The following POLN variants were observed in gnomAD, a reference collection of about 807,000 sequenced individuals.
POLN encodes the protein DNA polymerase N.
In POLN, 108 loss-of-function variants were observed where a neutral mutation model predicts 113.5. The ratio of observed to expected loss-of-function variants is 0.95; its 90% CI spans 0.81 to 1.12. The LOEUF is 1.12. POLN is among the 50% of genes most tolerant of loss of function. The probability of loss-of-function intolerance (pLI) is 0.00; values close to 1 mark genes in which losing one functional copy is unlikely to be tolerated. For synonymous variants in POLN, 386 were observed against 391.5 expected (o/e 0.99, Z 0.17); for missense variants, 1,097 against 1,077.1 (o/e 1.02, Z -0.26).
chr4:2,240,846 A>G, intron 2 of POLN: 1 of 1,613,444 alleles, frequency 6.2e-7, no homozygotes, highest in Non-Finnish European at 8.5e-7. Context: ...TTCATCTTCA[A>G]CGCCCTCAAA....
chr4:2,077,232 G>A (rs962478234), intron 23 of POLN, among the ~76,000 whole-genome samples: 13 of 152,190 alleles, frequency 8.5e-5, no homozygotes, highest in African/African-American at 2.9e-4. Flanking sequence ...GAGGGACTTC[G>A]GTCCTGCTGC....
intron 21 of POLN, among the ~76,000 whole-genome samples, chr4:2,083,717 G>A (rs1333919704): frequency 6.6e-6 from 1 of 152,256 alleles, no homozygotes; most frequent in African/African-American, 2.4e-5. Flanking sequence ...ACCACACACA[G>A]AGAAAGCAGG....
intron 16 of POLN, among the ~76,000 whole-genome samples, chr4:2,138,145 GT>G (rs1353957014): frequency 6.6e-6 from 1 of 152,154 alleles, no homozygotes; most frequent in African/African-American, 2.4e-5. Flanking sequence ...CCAGGATAGA[GT>G]TTTGACCCAT....
intron 3 of POLN, among the ~76,000 whole-genome samples, chr4:2,222,113 A>G (rs1228783745): frequency 6.6e-6 from 1 of 152,056 alleles, no homozygotes; most frequent in African/African-American, 2.4e-5. Context: ...TTGCATTCAC[A>G]TGGGTTTCGC....
chr4:2,226,732 A>G (rs1406192834), intron 3 of POLN, among the ~76,000 whole-genome samples: 1 of 152,238 alleles, frequency 6.6e-6, no homozygotes, highest in Non-Finnish European at 1.5e-5. Flanking sequence ...GGTGTGACTT[A>G]GTGTTTGTAA....
At chr4:2,190,979 G>A (rs967521649) in intron 7 of POLN, among the ~76,000 whole-genome samples, 5 of 152,196 alleles carry the variant, frequency 3.3e-5, no homozygotes, top group Middle Eastern at 3.4e-3. Context: ...CTCAAAAAAC[G>A]AAATAGAACT....
intron 2 of POLN, chr4:2,240,998 T>G: frequency 7.4e-7 from 1 of 1,346,826 alleles, no homozygotes; most frequent in Non-Finnish European, 1.0e-6. Context: ...ACGGTGTTGA[T>G]TTTTAGAAAA....
chr4:2,081,645 A>G lies in POLN; in HGVS notation c.2296T>C (p.Phe766Leu), dbSNP rs1259285841. Residue 766 changes from phenylalanine (F) to leucine (L), a missense_variant, in exon 22 of 26, where the codon TTC (phenylalanine) becomes CTC (leucine). Coordinates refer to ENST00000511885, the MANE Select transcript of POLN (RefSeq NM_181808.4). ...AGGCTTCTGGTACCTTGCACCACGA[A>G]GTTCACTGCCTGTCGCTCTGCTTGT... ...RAQAERQAVN[F>L]VVQGSAADLC... 7 of 1,614,090 alleles carry G rather than the reference A, an allele frequency of 4.3e-6. No homozygotes were observed. The highest frequency in any genetic ancestry group is 5.9e-6 in the Non-Finnish European group (7 of 1,180,040).
intron 16 of POLN, among the ~76,000 whole-genome samples, chr4:2,142,593 C>T (rs1215569595): frequency 6.6e-6 from 1 of 152,138 alleles, no homozygotes; most frequent in East Asian, 1.9e-4. Context: ...AGAGGTGAGT[C>T]CCAGGTTTCT....
chr4:2,174,973 C>T (rs927642317), intron 9 of POLN, among the ~76,000 whole-genome samples: 2 of 152,012 alleles, frequency 1.3e-5, no homozygotes, highest in African/African-American at 4.8e-5. Context: ...CAGGCACCCC[C>T]CACCATGCCA....
At chr4:2,240,762 C>G in intron 2 of POLN, 1 of 1,613,966 alleles carries the variant, frequency 6.2e-7, no homozygotes, top group Non-Finnish European at 8.5e-7. Context: ...CTGAAGAATG[C>G]TAAAAGCTTC....
chr4:2,112,816 A>C (rs527440954), intron 19 of POLN, among the ~76,000 whole-genome samples: 1,731 of 152,278 alleles, frequency 0.011, 19 homozygotes, highest in Non-Finnish European at 0.015. Flanking sequence ...ACCATTGTGG[A>C]AGTCAGTGTG....
intron 19 of POLN, among the ~76,000 whole-genome samples, chr4:2,100,345 C>T (rs1730894196): frequency 6.6e-6 from 1 of 152,040 alleles, no homozygotes; most frequent in Admixed American, 6.5e-5. Context: ...AATAGCTTTC[C>T]TACTAGTAAT....
chr4:2,090,695 T>C (rs1490870787), intron 20 of POLN: 3 of 212,798 alleles, frequency 1.4e-5, no homozygotes, highest in African/African-American at 7.1e-5. Flanking sequence ...AGGTGCCAGC[T>C]CAGGAGTACT....
rs1577688828 is a variant in POLN, at chr4:2,095,858, A to G, written c.2058T>C (p.Tyr686=). ...QTKKVVYAVV[Y]GAGKERLAAC... is the part of the protein sequence containing the mutation. ...TCCCGGCCCGCAGCCTACCTGCTCC[A>G]TAGACCACCGCGTACACCACCTTCT... The change falls in exon 20 of 26, where the codon TAT becomes TAC. Residue 686 remains tyrosine (Y), a synonymous_variant. Coordinates refer to ENST00000511885, the MANE Select transcript of POLN (RefSeq NM_181808.4). 3 of 1,613,746 alleles carry G rather than the reference A, an allele frequency of 1.9e-6. No homozygotes were observed. Among genetic ancestry groups the G allele is most frequent in the East Asian group, 2.2e-5 (1 of 44,880 alleles).
intron 5 of POLN, 119 bp from the exon 6 acceptor site, chr4:2,198,836 T>A: frequency 6.2e-6 from 6 of 973,268 alleles, no homozygotes; most frequent in Non-Finnish European, 4.4e-6. Context: ...TGTAAATGAA[T>A]AGTTTTTTAA....
chr4:2,124,387 C>T (rs997654323), intron 19 of POLN, among the ~76,000 whole-genome samples: 3 of 152,100 alleles, frequency 2.0e-5, no homozygotes, highest in Admixed American at 6.5e-5. Context: ...TCTCCTTAGC[C>T]TCCCAAGCAG....
chr4:2,215,120 A>C (rs1270696514), intron 3 of POLN, among the ~76,000 whole-genome samples: 4 of 152,176 alleles, frequency 2.6e-5, no homozygotes, highest in African/African-American at 9.7e-5. Flanking sequence ...TCATTATGGC[A>C]AAGGACTGAA....
intron 19 of POLN, among the ~76,000 whole-genome samples, chr4:2,125,196 TAGG>T: frequency 6.6e-6 from 1 of 152,178 alleles, no homozygotes; most frequent in South Asian, 2.1e-4. Flanking sequence ...TGCACAGCTG[TAGG>T]AGGAGCCAGG....
Sources: gnomAD v4.1 joint callset for allele counts (sites outside exome capture counted in the v4.1 genomes callset) on GRCh38, gnomAD v4.1.1 for gene constraint, MANE v1.5 for transcripts, NCBI Gene and HGNC (gene_info 2026-07-23, HGNC 2026-07-21) for gene names.